The following PRPH2 variants were observed in gnomAD, a reference collection of about 807,000 sequenced individuals.
PRPH2 encodes the protein peripherin 2.
PRPH2 carries 17 observed loss-of-function variants against 31.3 expected under a neutral mutation model. That is an observed-to-expected ratio of 0.54 (90% CI 0.37 to 0.81). PRPH2 has a LOEUF of 0.81. Ranked by LOEUF, PRPH2 falls within the 40% of genes least tolerant of loss-of-function variation. The pLI, the probability that PRPH2 is intolerant of heterozygous loss-of-function variation, is 0.00. For missense variants in PRPH2, 430 were observed against 439.7 expected, an observed-to-expected ratio of 0.98 and a Z score of 0.20; for synonymous variants, 165 against 184.4, an observed-to-expected ratio of 0.89 and a Z score of 0.85.
chr6:42,711,445 G>A (rs1370740482), intron 1 of PRPH2, among the ~76,000 whole-genome samples: 1 of 152,022 alleles, frequency 6.6e-6, no homozygotes. Flanking sequence ...CCCAGTCTGA[G>A]GGGGGAATGC....
At chr6:42,715,186 G>A (rs925942660) in intron 1 of PRPH2, among the ~76,000 whole-genome samples, 2 of 152,066 alleles carry the variant, frequency 1.3e-5, no homozygotes, top group Admixed American at 6.6e-5. Flanking sequence ...TCCAGCCTGG[G>A]TGACGGGGCA....
intron 1 of PRPH2, among the ~76,000 whole-genome samples, chr6:42,710,742 A>G (rs995429858): frequency 3.9e-5 from 6 of 152,220 alleles, no homozygotes; most frequent in Non-Finnish European, 5.9e-5. Flanking sequence ...AGCCTGGGAA[A>G]ATGATCACGT....
intron 1 of PRPH2, among the ~76,000 whole-genome samples, chr6:42,705,613 T>A (rs1460435572): frequency 1.6e-4 from 18 of 115,566 alleles, no homozygotes; most frequent in East Asian, 7.6e-4. Context: ...TATATATATA[T>A]ATATATATAT....
Position 42,708,293 on chromosome 6 carries a change from G to A in PRPH2, c.582-3682C>T, listed in dbSNP as rs1054045566. On this transcript the variant is annotated intron_variant, in intron 1 of 2. Transcript: ENST00000230381. ...CCACCCTCCATGGTGGGCCTGACAC[G>A]GAGCACCTGCCCGCTGGCACTGCCT... Among the ~76,000 whole-genome samples, 10 of 152,210 alleles carry A rather than the reference G, an allele frequency of 6.6e-5. No homozygotes were observed. In the East Asian group the frequency reaches 1.7e-3, roughly 26 times the overall value.
rs542132353 is a variant in PRPH2 at position 42,709,124 on chromosome 6, T to A, written c.582-4513A>T. Among the ~76,000 whole-genome samples the A allele has an allele frequency of 4.0e-5, 6 of 150,954 alleles. No individual in the cohort carries two copies. In the East Asian group the frequency reaches 7.8e-4, roughly 20 times the overall value. On this transcript the variant is annotated intron_variant, in intron 1 of 2. Coordinates refer to ENST00000230381, the MANE Select transcript of PRPH2 (RefSeq NM_000322.5). ...GGTGGGCAGATCATGAGGTCAGGAG[T>A]TCGAGACCATCCTGGCCAACGTGGT...
chr6:42,704,252 AG>A (rs1162155052), intron 2 of PRPH2, 112 bp downstream of exon 2: 1 of 1,407,856 alleles, frequency 7.1e-7, no homozygotes, highest in Non-Finnish European at 9.8e-7. Context: ...GCTCCACTGA[AG>A]GCTGTTTCCA....
At position 42,711,499 on chromosome 6, in the gene PRPH2, C is replaced by T. The variant is rs73426471; in HGVS notation, c.582-6888G>A. Among the ~76,000 whole-genome samples, 1,520 of 152,116 alleles carry T rather than the reference C, an allele frequency of 1.0e-2. 19 individuals are homozygous for T. The highest frequency in any genetic ancestry group is 0.034 in the African/African-American group (1,405 of 41,482). ...CCCCAGTCTGAGGGGAGATGCAGCC[C>T]TGTCTTCAGGGGACCCTAGTTTGAG... On this transcript the variant is annotated intron_variant, in intron 1 of 2. Transcript: ENST00000230381.
intron 1 of PRPH2, among the ~76,000 whole-genome samples, chr6:42,719,334 C>G (rs1023703104): frequency 2.6e-5 from 4 of 151,690 alleles, no homozygotes; most frequent in Non-Finnish European, 4.4e-5. Flanking sequence ...GCCACCACAC[C>G]CAGCTAATTT....
intron 1 of PRPH2, among the ~76,000 whole-genome samples, chr6:42,708,414 G>A (rs565878397): frequency 8.5e-5 from 13 of 152,358 alleles, no homozygotes; most frequent in South Asian, 2.1e-4. Flanking sequence ...TCTGGGCACC[G>A]GGCTGTTGGT....
At chr6:42,699,657 A>C (rs932338307) in intron 2 of PRPH2, among the ~76,000 whole-genome samples, 1 of 152,096 alleles carries the variant, frequency 6.6e-6, no homozygotes, top group Non-Finnish European at 1.5e-5. Context: ...GCCAAGGTGG[A>C]GGGAGGATTG....
rs139329966 is a variant in PRPH2, at chr6:42,698,381, A to G, written c.955T>C (p.Phe319Leu). The change falls in exon 3 of 3, where the codon TTT becomes CTT. Residue 319 changes from phenylalanine (F) to leucine (L), a missense_variant. Coordinates refer to ENST00000230381, the MANE Select transcript of PRPH2 (RefSeq NM_000322.5). ...CCCAGCTTCTTCACACTCTCCAGAA[A>G]GGCCTTCCAGGTCTCCGGCACGCTC... Reference protein sequence around the residue: ...ERSVPETWKAFLESVKKLGKG... With the variant: ...ERSVPETWKALLESVKKLGKG... 53 of 1,613,876 alleles carry G rather than the reference A, an allele frequency of 3.3e-5. No individual in the cohort carries two copies. In the East Asian group the frequency reaches 1.2e-3, roughly 35 times the overall value.
chr6:42,714,870 C>T (rs1761744020), intron 1 of PRPH2, among the ~76,000 whole-genome samples: 1 of 152,150 alleles, frequency 6.6e-6, no homozygotes, highest in African/African-American at 2.4e-5. Flanking sequence ...TGATCTTAGA[C>T]ATGTCCCTTA....
chr6:42,698,343 C>G lies in PRPH2; in HGVS notation c.993G>C (p.Gln331His), dbSNP rs1423312343. The change falls in exon 3 of 3, where the codon CAG becomes CAC. Residue 331 changes from glutamine to histidine, a missense_variant. Coordinates refer to ENST00000230381, the MANE Select transcript of PRPH2 (RefSeq NM_000322.5). ...CTGCGTCTGCGCCCTCGGCTTCCACCTGGTTGCCCTTGCCCAGCTTCTTCA... is the reference window on the plus strand; with the variant it reads ...CTGCGTCTGCGCCCTCGGCTTCCACGTGGTTGCCCTTGCCCAGCTTCTTCA... ...ESVKKLGKGN[Q>H]VEAEGADAGQ... The G allele has an allele frequency of 6.2e-7, 1 of 1,613,942 alleles. No homozygotes were observed.
chr6:42,703,523 G>A (rs1324082212), intron 2 of PRPH2, among the ~76,000 whole-genome samples: 1 of 152,062 alleles, frequency 6.6e-6, no homozygotes, highest in African/African-American at 2.4e-5. Flanking sequence ...CTAAGACCTC[G>A]GTACCAAAAA....
rs1161769235 is a variant in PRPH2 at position 42,716,962 on chromosome 6, C to CTTTTT, written c.581+4787_581+4791dup. 1.7e-3 allele frequency among the ~76,000 whole-genome samples: 78 copies of CTTTTT among 45,206 alleles called. 2 individuals carry two copies. Among genetic ancestry groups the CTTTTT allele is most frequent in the African/African-American group, 6.8e-3 (71 of 10,442 alleles). The allele number at this position is 45,206 out of a possible 152,430, so 29.7% of individuals were successfully genotyped here. ...TTCTTTTCTTTTCTTTCTTTCTTTT[C>CTTTTT]TTTTTTTTTTTTTTTTTTTTTTTTG... On this transcript the variant is annotated intron_variant, in intron 1 of 2. Transcript: ENST00000230381.
At chr6:42,711,473 GC>G (rs577011907) in intron 1 of PRPH2, among the ~76,000 whole-genome samples, 3 of 151,866 alleles carry the variant, frequency 2.0e-5, no homozygotes, top group Non-Finnish European at 4.4e-5. Flanking sequence ...TCCTCAGGGA[GC>G]CCCAGTCTGA....
At chr6:42,719,157 A>G (rs1761846501) in intron 1 of PRPH2, among the ~76,000 whole-genome samples, 2 of 145,138 alleles carry the variant, frequency 1.4e-5, no homozygotes, top group Non-Finnish European at 1.5e-5. Context: ...ACTTTCATTC[A>G]GTGGACTTCC....
intron 1 of PRPH2, among the ~76,000 whole-genome samples, chr6:42,710,625 G>T (rs116008903): frequency 3.9e-5 from 6 of 152,150 alleles, no homozygotes; most frequent in Admixed American, 1.3e-4. Flanking sequence ...TTCACTCTGC[G>T]CGGAAGGGGC....
chr6:42,705,249 A>G (rs1019936461), intron 1 of PRPH2, among the ~76,000 whole-genome samples: 7 of 152,062 alleles, frequency 4.6e-5, no homozygotes, highest in Non-Finnish European at 4.4e-5. Flanking sequence ...CTGCACTTCT[A>G]TATTTTTGTG....
Sources: gnomAD v4.1 joint callset for allele counts (sites outside exome capture counted in the v4.1 genomes callset) on GRCh38, gnomAD v4.1.1 for gene constraint, MANE v1.5 for transcripts, NCBI Gene and HGNC (gene_info 2026-07-23, HGNC 2026-07-21) for gene names.